SERPINB6: variants seen among roughly 807,000 people sequenced by gnomAD.
The protein encoded by SERPINB6 is serpin B6.
In SERPINB6, 16 loss-of-function variants were observed where a neutral mutation model predicts 26.1. The ratio of observed to expected loss-of-function variants is 0.61; its 90% CI spans 0.42 to 0.93. The LOEUF (loss-of-function observed/expected upper bound fraction) is 0.93. Ranked by LOEUF, SERPINB6 falls within the 40% of genes least tolerant of loss-of-function variation. The probability of loss-of-function intolerance (pLI) is 0.00; values close to 1 mark genes in which losing one functional copy is unlikely to be tolerated. For synonymous variants in SERPINB6, 174 were observed against 176.6 expected, an observed-to-expected ratio of 0.99 and a Z score of 0.11; for missense variants, 420 against 478.0, an observed-to-expected ratio of 0.88 and a Z score of 1.13.
At position 2,967,191 on chromosome 6, in the gene SERPINB6, A is replaced by C; in HGVS notation, c.-11+4342T>G. Reference sequence around the variant, plus strand: ...CTCCTCGAGTTGGAGGGATCTGTTAACCTGCCCAGGGCACAACACCCACAC... The same window carrying C: ...CTCCTCGAGTTGGAGGGATCTGTTACCCTGCCCAGGGCACAACACCCACAC... On this transcript the variant is annotated intron_variant, in intron 1 of 6. Transcript: ENST00000380539. The surrounding 1 kb of genome is among the most constrained non-coding windows in gnomAD (Gnocchi z 4.3). The C allele has an allele frequency of 1.0e-6, 1 of 985,478 alleles. No homozygotes were observed. The highest frequency in any genetic ancestry group is 1.2e-6 in the Non-Finnish European group (1 of 829,996). The allele number at this position is 985,478 out of a possible 1,614,324, so 61.0% of individuals were successfully genotyped here. A position where few individuals can be genotyped will look rare whatever the true frequency, so the allele number is the denominator to read the frequency against.
rs767312070 is a variant in SERPINB6, at chr6:2,949,060, T to A, written c.583A>T (p.Lys195Ter). The A allele has an allele frequency of 1.2e-6, 2 of 1,614,126 alleles. No homozygotes were observed. The highest frequency in any genetic ancestry group is 1.7e-6 in the Non-Finnish European group (2 of 1,180,020). Residue 195 changes from lysine to a stop codon, truncating the protein, a stop_gained, in exon 6 of 7, where the codon AAA (lysine) becomes TAA (stop). Coordinates refer to ENST00000380539, the MANE Select transcript of SERPINB6 (RefSeq NM_004568.6). LOFTEE classifies it high-confidence loss of function. ...TGCTTAAACATCATTTGCACAGGTT[T>A]CTCCTCATTCTACAAAGAAAACAGA... is the stretch of plus-strand genomic sequence containing the variant. ...RLFKVSKNEEKPVQMMFKQST... is the reference protein window; with the variant it reads ...RLFKVSKNEE
At chr6:2,949,253 C>T (rs553556540) in intron 5 of SERPINB6, among the ~76,000 whole-genome samples, 184 bp from the exon 6 acceptor site, 1 of 152,316 alleles carries the variant, frequency 6.6e-6, no homozygotes, top group Admixed American at 6.5e-5. Flanking sequence ...CTGGGGTGCC[C>T]AGGGCCCAAA....
chr6:2,951,547 T>A (rs1452125137), intron 5 of SERPINB6, among the ~76,000 whole-genome samples: 1 of 152,140 alleles, frequency 6.6e-6, no homozygotes, highest in African/African-American at 2.4e-5. Context: ...AAGCCTCCAA[T>A]CTTGCAATAT....
chr6:2,951,902 T>C (rs1769852227), intron 5 of SERPINB6, among the ~76,000 whole-genome samples: 1 of 151,824 alleles, frequency 6.6e-6, no homozygotes, highest in South Asian at 2.1e-4. Flanking sequence ...CCCTTGTTCC[T>C]CCCCCTCCCT....
At chr6:2,955,255 C>A in intron 3 of SERPINB6, 3 of 458,716 alleles carry the variant, frequency 6.5e-6, no homozygotes, top group Non-Finnish European at 1.2e-5. Context: ...GAATATCAAA[C>A]GAACTTCACC....
At chr6:2,970,072 A>G (rs1431214461) in intron 1 of SERPINB6, 7 of 984,386 alleles carry the variant, frequency 7.1e-6, no homozygotes, top group Non-Finnish European at 8.4e-6. Flanking sequence ...AAAAAAAAAA[A>G]AAAAATTTTC....
intron 5 of SERPINB6, among the ~76,000 whole-genome samples, chr6:2,951,173 GTC>G (rs1561671799): frequency 1.3e-5 from 2 of 152,146 alleles, no homozygotes; most frequent in Non-Finnish European, 2.9e-5. Context: ...ATCACCTGAG[GTC>G]AGGAGTTCGA....
At chr6:2,961,964 G>C (rs1771162003) in intron 1 of SERPINB6, 1 of 984,484 alleles carries the variant, frequency 1.0e-6, no homozygotes, top group South Asian at 4.7e-5. Flanking sequence ...GGCCTCAAGT[G>C]ATCTTCCTGC....
intron 1 of SERPINB6, chr6:2,970,732 A>AG: frequency 1.6e-6 from 2 of 1,225,944 alleles, no homozygotes; most frequent in Non-Finnish European, 2.0e-6. Context: ...GACAAAAAAA[A>AG]AAAAAAAAAA....
intron 1 of SERPINB6, chr6:2,970,411 C>T (rs1381192839): frequency 4.8e-6 from 5 of 1,035,910 alleles, no homozygotes; most frequent in Non-Finnish European, 5.8e-6. Context: ...TGAGAACAAA[C>T]GCCATCTATG....
intron 5 of SERPINB6, among the ~76,000 whole-genome samples, chr6:2,949,569 T>C (rs1769540614): frequency 6.6e-6 from 1 of 152,216 alleles, no homozygotes; most frequent in Non-Finnish European, 1.5e-5. Context: ...TCACACCCTG[T>C]GTCTGACTCA....
chr6:2,960,590 A>G (rs1770990674), intron 1 of SERPINB6: 1 of 152,488 alleles, frequency 6.6e-6, no homozygotes, highest in Non-Finnish European at 1.5e-5. Flanking sequence ...GAACCCACGG[A>G]ACAAGGAAGG....
At chr6:2,955,239 GTC>G (rs1770318798) in intron 3 of SERPINB6, 1 of 441,544 alleles carries the variant, frequency 2.3e-6, no homozygotes, top group Non-Finnish European at 4.1e-6. Flanking sequence ...AGTTGAATCA[GTC>G]TCTGAATATC....
chr6:2,954,246 T>C (rs1770165516), intron 4 of SERPINB6, among the ~76,000 whole-genome samples: 1 of 152,068 alleles, frequency 6.6e-6, no homozygotes, highest in African/African-American at 2.4e-5. Flanking sequence ...AGATCCACAC[T>C]GCGAATTTTT....
intron 1 of SERPINB6, chr6:2,968,638 T>A (rs1771852354): frequency 8.2e-7 from 1 of 1,219,946 alleles, no homozygotes; most frequent in Admixed American, 4.3e-5. Context: ...TCTGGGGTCC[T>A]TTTGTTATGG....
At chr6:2,971,677 G>T (rs1181362457), upstream of SERPINB6, 1 of 152,134 alleles carries the variant, frequency 6.6e-6, no homozygotes, top group Non-Finnish European at 1.5e-5. Flanking sequence ...GGCGGGGCGG[G>T]ACGTGCGGGT....
Position 2,948,242 on chromosome 6 carries a change from T to A in SERPINB6, c.*56A>T, listed in dbSNP as rs1205549480. On this transcript the variant is annotated 3_prime_UTR_variant, in exon 7 of 7. Transcript: ENST00000380539. The surrounding 1 kb of genome is among the most constrained non-coding windows in gnomAD (Gnocchi z 5.0). Reference sequence around the variant, plus strand: ...AAGGCCACTTGGGTTGCAGGCACACTGTGGAGTGTCAGGGGACAGAGAGGA... The same window carrying A: ...AAGGCCACTTGGGTTGCAGGCACACAGTGGAGTGTCAGGGGACAGAGAGGA... The A allele has an allele frequency of 5.4e-5, 86 of 1,606,304 alleles. No homozygotes were observed. In the South Asian group the frequency reaches 7.0e-4, roughly 13 times the overall value.
At chr6:2,951,575 G>A (rs976922782) in intron 5 of SERPINB6, among the ~76,000 whole-genome samples, 2 of 152,064 alleles carry the variant, frequency 1.3e-5, no homozygotes, top group African/African-American at 4.8e-5. Context: ...TCTAACCTTA[G>A]TGACTGAATG....
At chr6:2,968,880 G>A in intron 1 of SERPINB6, 1 of 1,230,526 alleles carries the variant, frequency 8.1e-7, no homozygotes, top group Non-Finnish European at 1.0e-6. Context: ...ACCAGCAAAT[G>A]GGAGAACTCT....
Sources: gnomAD v4.1 joint callset for allele counts (sites outside exome capture counted in the v4.1 genomes callset) on GRCh38, gnomAD v4.1.1 for gene constraint, Gnocchi (gnomAD v3.1) non-coding constraint, MANE v1.5 for transcripts, NCBI Gene and HGNC (gene_info 2026-07-23, HGNC 2026-07-21) for gene names.